Variants in LGSN observed in about 807,000 individuals in gnomAD.
The protein encoded by LGSN is lengsin.
In LGSN, 21 loss-of-function variants were observed where a neutral mutation model predicts 19.5. That is an observed-to-expected ratio of 1.07 (90% CI 0.76 to 1.55). The LOEUF is 1.55. Ranked by LOEUF, LGSN falls within the 40% of genes most tolerant of loss-of-function variation. The pLI, the probability that LGSN is intolerant of heterozygous loss-of-function variation, is 0.00. For synonymous variants in LGSN, 257 were observed against 215.6 expected (o/e 1.19, Z -1.68); for missense variants, 673 against 608.5 (o/e 1.11, Z -1.12).
Position 63,276,443 on chromosome 6 carries a change from A to G in LGSN, c.*3578T>C, listed in dbSNP as rs2127378064. 1 of 152,262 alleles carries G rather than the reference A, an allele frequency of 6.6e-6. No individual in the cohort carries two copies. Among genetic ancestry groups the G allele is most frequent in the East Asian group, 1.9e-4 (1 of 5,184 alleles). 9.4% of individuals were successfully genotyped at this position (152,262 alleles called of 1,614,324 possible). A position where few individuals can be genotyped will look rare whatever the true frequency, so the allele number is the denominator to read the frequency against. On this transcript the variant is annotated 3_prime_UTR_variant, in exon 4 of 4. Transcript: ENST00000370657. The stretch of plus-strand genomic sequence containing the variant: ...TAAAATATTATCGCTTTTAATTTAC[A>G]TTTCTTATGTATACTCATTTAATTA...
At chr6:63,482,656 G>A in the LGSN span, among the ~76,000 whole-genome samples, 1 of 152,142 alleles carries the variant, frequency 6.6e-6, no homozygotes, top group African/African-American at 2.4e-5. Context: ...AACCCAGGAG[G>A]CAGAGGTTGC....
chr6:63,477,520 G>A, the LGSN span, among the ~76,000 whole-genome samples: 16 of 151,938 alleles, frequency 1.1e-4, no homozygotes, highest in African/African-American at 3.4e-4. Context: ...AAAGGAAATA[G>A]GGTTTAACAT....
chr6:63,427,776 A>G, the LGSN span, among the ~76,000 whole-genome samples: 1 of 152,198 alleles, frequency 6.6e-6, no homozygotes, highest in South Asian at 2.1e-4. Context: ...AACTATTATC[A>G]TAATCAAATT....
At chr6:63,339,197 T>C in the LGSN span, among the ~76,000 whole-genome samples, 1 of 152,202 alleles carries the variant, frequency 6.6e-6, no homozygotes, top group South Asian at 2.1e-4. Flanking sequence ...CCATTTGGTC[T>C]ATAATGCAGA....
At chr6:63,365,298 A>G in the LGSN span, among the ~76,000 whole-genome samples, 1 of 152,238 alleles carries the variant, frequency 6.6e-6, no homozygotes, top group South Asian at 2.1e-4. Flanking sequence ...ATCAGAGAAT[A>G]CTATAAACAC....
chr6:63,389,905 T>G, the LGSN span, among the ~76,000 whole-genome samples: 2 of 151,938 alleles, frequency 1.3e-5, no homozygotes, highest in Non-Finnish European at 2.9e-5. Flanking sequence ...GCTTCAAAGT[T>G]TATCTCCTTT....
the LGSN span, among the ~76,000 whole-genome samples, chr6:63,412,435 A>C: frequency 2.9e-5 from 4 of 138,286 alleles, no homozygotes; most frequent in Admixed American, 7.3e-5. Context: ...AGAAAGAAAG[A>C]AAGAAAGCAA....
the LGSN span, among the ~76,000 whole-genome samples, chr6:63,393,275 C>T: frequency 1.6e-4 from 25 of 152,066 alleles, no homozygotes; most frequent in African/African-American, 5.8e-4. Flanking sequence ...TCAAGCTATT[C>T]TCCTGCCTCA....
At chr6:63,335,341 A>G in the LGSN span, among the ~76,000 whole-genome samples, 1 of 151,962 alleles carries the variant, frequency 6.6e-6, no homozygotes, top group African/African-American at 2.4e-5. Flanking sequence ...CATAGGAAAA[A>G]CTCTTCAAGA....
the LGSN span, among the ~76,000 whole-genome samples, chr6:63,446,298 T>G: frequency 7.4e-6 from 1 of 135,544 alleles, no homozygotes; most frequent in African/African-American, 2.7e-5. Context: ...CCCTCTCACC[T>G]CACTGACTGG....
At chr6:63,436,640 G>A in the LGSN span, among the ~76,000 whole-genome samples, 1 of 152,170 alleles carries the variant, frequency 6.6e-6, no homozygotes, top group Non-Finnish European at 1.5e-5. Flanking sequence ...CAGACAGCAA[G>A]GCTCAGAATT....
chr6:63,452,054 C>CTTTTTTTTTTTTTTTTTT, the LGSN span, among the ~76,000 whole-genome samples: 1 of 131,790 alleles, frequency 7.6e-6, no homozygotes, highest in Non-Finnish European at 1.6e-5. Flanking sequence ...GTTTTCTTGT[C>CTTTTTTTTTTTTTTTTTT]TTTTTTTTTT....
At chr6:63,286,121 C>A (rs917504534) in intron 2 of LGSN, among the ~76,000 whole-genome samples, 1 of 152,176 alleles carries the variant, frequency 6.6e-6, no homozygotes, top group African/African-American at 2.4e-5. Flanking sequence ...CTGTAGGTGA[C>A]TATTATTAAA....
chr6:63,290,685 A>G (rs1213881165), intron 2 of LGSN, among the ~76,000 whole-genome samples: 2 of 152,238 alleles, frequency 1.3e-5, no homozygotes, highest in Non-Finnish European at 2.9e-5. Context: ...GTAAAGGACC[A>G]GATAGTAAAT....
the LGSN span, among the ~76,000 whole-genome samples, chr6:63,365,993 A>G: frequency 6.6e-6 from 1 of 152,054 alleles, no homozygotes. Flanking sequence ...TACTGAATGG[A>G]CAAAAACTGG....
At chr6:63,412,730 A>AAGGACG in the LGSN span, among the ~76,000 whole-genome samples, 12 of 41,230 alleles carry the variant, frequency 2.9e-4, no homozygotes, top group African/African-American at 1.4e-3. Context: ...AAAGAAAGAA[A>AAGGACG]GAAAGAAAGA....
intron 1 of LGSN, among the ~76,000 whole-genome samples, chr6:63,310,607 T>A (rs1156433541): frequency 6.6e-6 from 1 of 152,228 alleles, no homozygotes; most frequent in Non-Finnish European, 1.5e-5. Context: ...AAGGTTAATA[T>A]ACTTTTGTAA....
the LGSN span, among the ~76,000 whole-genome samples, chr6:63,374,742 C>T: frequency 6.6e-6 from 1 of 152,128 alleles, no homozygotes; most frequent in African/African-American, 2.4e-5. Flanking sequence ...TCTTGTCTTC[C>T]CCAGCTTCTA....
intron 3 of LGSN, among the ~76,000 whole-genome samples, 185 bp from the exon 4 acceptor site, chr6:63,281,405 A>T (rs1423218253): frequency 6.7e-6 from 1 of 149,172 alleles, no homozygotes; most frequent in African/African-American, 2.5e-5. Context: ...TAAACATTTT[A>T]AAATAAAACC....
Sources: gnomAD v4.1 joint callset for allele counts (sites outside exome capture counted in the v4.1 genomes callset) on GRCh38, gnomAD v4.1.1 for gene constraint, MANE v1.5 for transcripts, NCBI Gene and HGNC (gene_info 2026-07-23, HGNC 2026-07-21) for gene names.